The following GRID2 variants were observed in gnomAD, a reference collection of about 807,000 sequenced individuals.
GRID2 encodes the protein glutamate ionotropic receptor delta type subunit 2, also known as glutamate receptor ionotropic, delta-2.
Under a neutral mutation model 114.8 loss-of-function variants are expected in GRID2, and 33 were observed. The ratio of observed to expected loss-of-function variants is 0.29; its 90% CI spans 0.22 to 0.38. The LOEUF (loss-of-function observed/expected upper bound fraction) is 0.38. GRID2 is among the 10% of genes least tolerant of loss of function. The pLI is 1.00. For synonymous variants in GRID2, 505 were observed against 449.9 expected (o/e 1.12, Z -1.55); for missense variants, 1,184 against 1,257.7 (o/e 0.94, Z 0.89).
intron 2 of GRID2, among the ~76,000 whole-genome samples, chr4:92,899,386 A>C (rs1053626923): frequency 2.6e-5 from 4 of 152,154 alleles, no homozygotes; most frequent in Non-Finnish European, 5.9e-5. Flanking sequence ...ACAGGCTTCC[A>C]ACAAGGCATA....
intron 9 of GRID2, among the ~76,000 whole-genome samples, chr4:93,400,629 A>T (rs1765789029): frequency 6.6e-6 from 1 of 152,146 alleles, no homozygotes; most frequent in East Asian, 1.9e-4. Context: ...TTGGTTACAA[A>T]TTAAAAGAAA....
chr4:92,309,125 A>T (rs570829618), intron 1 of GRID2, among the ~76,000 whole-genome samples: 4 of 152,166 alleles, frequency 2.6e-5, no homozygotes. Context: ...GCCAAATAGG[A>T]ATAAAAATCC....
At chr4:93,034,220 G>A (rs2149261008) in intron 2 of GRID2, among the ~76,000 whole-genome samples, 1 of 152,228 alleles carries the variant, frequency 6.6e-6, no homozygotes, top group South Asian at 2.1e-4. Context: ...TAGACAGATG[G>A]GAAGAAAACT....
intron 1 of GRID2, among the ~76,000 whole-genome samples, chr4:92,358,263 G>T (rs1728442495): frequency 6.6e-6 from 1 of 151,808 alleles, no homozygotes; most frequent in African/African-American, 2.4e-5. Context: ...CACTGGAGAG[G>T]AATTACATGG....
intron 2 of GRID2, among the ~76,000 whole-genome samples, chr4:92,782,452 CAT>C (rs766240196): frequency 1.3e-5 from 2 of 152,054 alleles, no homozygotes; most frequent in Non-Finnish European, 2.9e-5. Flanking sequence ...ATATTATATA[CAT>C]ATGTTTTCAC....
intron 2 of GRID2, among the ~76,000 whole-genome samples, chr4:92,847,648 G>T (rs1035612789): frequency 2.0e-5 from 3 of 151,872 alleles, no homozygotes; most frequent in African/African-American, 7.3e-5. Flanking sequence ...CTATACTGAT[G>T]AATTTGTTCC....
At chr4:92,393,685 G>C (rs1010972842) in intron 1 of GRID2, among the ~76,000 whole-genome samples, 1 of 152,080 alleles carries the variant, frequency 6.6e-6, no homozygotes, top group African/African-American at 2.4e-5. Context: ...ACATGATCAA[G>C]TTGCTCTTTA....
intron 2 of GRID2, among the ~76,000 whole-genome samples, chr4:92,813,347 A>G (rs1740740540): frequency 6.6e-6 from 1 of 152,094 alleles, no homozygotes; most frequent in African/African-American, 2.4e-5. Flanking sequence ...CAACCAACTT[A>G]TATCCTCACA....
chr4:93,118,015 A>T (rs1197084233), intron 4 of GRID2, among the ~76,000 whole-genome samples: 1 of 152,134 alleles, frequency 6.6e-6, no homozygotes, highest in Non-Finnish European at 1.5e-5. Context: ...CTATGTTCCC[A>T]TATTTTGAGC....
At chr4:93,594,919 C>T (rs71616384) in intron 13 of GRID2, among the ~76,000 whole-genome samples, 28,595 of 152,002 alleles carry the variant, frequency 0.19, 3,124 homozygotes, top group Middle Eastern at 0.32. Context: ...GGCTCATGCA[C>T]GGTGCACGCA....
At chr4:93,056,592 C>A (rs530465009) in intron 2 of GRID2, among the ~76,000 whole-genome samples, 104 of 152,044 alleles carry the variant, frequency 6.8e-4, no homozygotes, top group Admixed American at 5.9e-4. Flanking sequence ...CTACCACCCT[C>A]AATTTCTAAC....
chr4:92,929,134 A>G (rs1750041359), intron 2 of GRID2, among the ~76,000 whole-genome samples: 1 of 151,608 alleles, frequency 6.6e-6, no homozygotes, highest in South Asian at 2.1e-4. Flanking sequence ...CAAACTCTGT[A>G]AATCCTCAAT....
chr4:93,781,887 G>A (rs1305237212), intron 1 of GRID2, among the ~76,000 whole-genome samples: 3 of 152,110 alleles, frequency 2.0e-5, no homozygotes, highest in Non-Finnish European at 4.4e-5. Flanking sequence ...TTCCAGTTAA[G>A]ATTTCTTTCA....
intron 2 of GRID2, among the ~76,000 whole-genome samples, chr4:92,787,872 A>T (rs915694423): frequency 1.3e-5 from 2 of 151,820 alleles, no homozygotes; most frequent in African/African-American, 4.8e-5. Flanking sequence ...TTTTGAAGTG[A>T]GTGTCATCAG....
At position 92,679,798 on chromosome 4, in the gene GRID2, C is replaced by G. The variant is rs1437416961; in HGVS notation, c.244+89512C>G. Among the ~76,000 whole-genome samples the G allele has an allele frequency of 3.3e-5, 5 of 151,712 alleles. No individual in the cohort carries two copies. In the East Asian group the frequency reaches 9.7e-4, roughly 29 times the overall value. On this transcript the variant is annotated intron_variant, in intron 2 of 15. Transcript: ENST00000282020. ...TTACAGCTATGTCTGTCATTAGTGTCATTAGTACCACTAATAGAAAATAAG... is the reference window on the plus strand; with the variant it reads ...TTACAGCTATGTCTGTCATTAGTGTGATTAGTACCACTAATAGAAAATAAG...
At chr4:92,619,923 G>A (rs538691126) in intron 2 of GRID2, among the ~76,000 whole-genome samples, 2 of 151,722 alleles carry the variant, frequency 1.3e-5, no homozygotes, top group African/African-American at 4.8e-5. Context: ...AGGAGGGATA[G>A]AGAAATTTAG....
At chr4:92,516,003 G>A (rs1444439237) in intron 1 of GRID2, among the ~76,000 whole-genome samples, 1 of 151,820 alleles carries the variant, frequency 6.6e-6, no homozygotes, top group Non-Finnish European at 1.5e-5. Flanking sequence ...CTTAAACCAT[G>A]TTACTTTATG....
chr4:92,714,162 G>A (rs1735417336), intron 2 of GRID2, among the ~76,000 whole-genome samples: 2 of 152,142 alleles, frequency 1.3e-5, no homozygotes, highest in Non-Finnish European at 2.9e-5. Flanking sequence ...GGAGAAATGG[G>A]CCAAAACAAA....
intron 8 of GRID2, among the ~76,000 whole-genome samples, chr4:93,286,627 C>G (rs576858092): frequency 6.6e-6 from 1 of 151,898 alleles, no homozygotes; most frequent in Non-Finnish European, 1.5e-5. Context: ...AAGACCATCA[C>G]CTCCGGAAAC....
Sources: allele counts gnomAD v4.1 joint callset (sites outside exome capture counted in the v4.1 genomes callset), GRCh38; gene constraint gnomAD v4.1.1; transcripts MANE v1.5; gene names NCBI Gene and HGNC (gene_info 2026-07-23, HGNC 2026-07-21).